Variants in KCNH4 observed in about 807,000 individuals in gnomAD.
The protein encoded by KCNH4 is voltage-gated delayed rectifier potassium channel KCNH4.
Under a neutral mutation model 90.7 loss-of-function variants are expected in KCNH4, and 33 were observed. The ratio of observed to expected loss-of-function variants is 0.36; its 90% confidence interval spans 0.28 to 0.49. The LOEUF (loss-of-function observed/expected upper bound fraction) is 0.49, where lower values mean the gene tolerates loss of function less well. KCNH4 is among the 20% of genes least tolerant of loss of function. The probability of loss-of-function intolerance (pLI) is 0.98; values close to 1 mark genes in which losing one functional copy is unlikely to be tolerated. For missense variants in KCNH4, 1,044 were observed against 1,387.1 expected, an observed-to-expected ratio of 0.75 and a Z score of 3.93; for synonymous variants, 551 against 581.7, an observed-to-expected ratio of 0.95 and a Z score of 0.76.
rs758606300 is a variant in KCNH4 at position 42,180,946 on chromosome 17, G to A, written c.-1C>T. 50 of 1,611,972 alleles carry A rather than the reference G, an allele frequency of 3.1e-5. No individual in the cohort carries two copies. The highest frequency in any genetic ancestry group is 4.1e-5 in the Non-Finnish European group (48 of 1,179,144). On this transcript the variant is annotated 5_prime_UTR_variant, in exon 1 of 17. Transcript: ENST00000264661. The surrounding 1 kb of genome is among the most constrained non-coding windows in gnomAD (Gnocchi z 4.7). ...CCAGCAACCCCTTCATGACCGGCAT[G>A]GCCCCGGGGCGTGGGTTCAAGGCGC... is the stretch of plus-strand genomic sequence containing the variant.
At chr17:42,179,814 C>G (rs758365263) in intron 1 of KCNH4, among the ~76,000 whole-genome samples, 4 of 152,238 alleles carry the variant, frequency 2.6e-5, no homozygotes, top group African/African-American at 9.6e-5. Flanking sequence ...GGGCATTGAG[C>G]GTATAGCTCC....
At chr17:42,167,414 G>T (rs1415173191) in intron 9 of KCNH4, among the ~76,000 whole-genome samples, 1 of 152,042 alleles carries the variant, frequency 6.6e-6, no homozygotes, top group Non-Finnish European at 1.5e-5. Context: ...TTACAAGCAC[G>T]CACCACTACG....
rs574588024 is a variant in KCNH4, at chr17:42,176,166, G to A, written c.717C>T (p.Tyr239=). The A allele has an allele frequency of 2.0e-5, 33 of 1,614,014 alleles. No homozygotes were observed. The highest frequency in any genetic ancestry group is 1.3e-5 in the African/African-American group (1 of 75,012). ...WDGLILLATF[Y]VAVTVPYNVC... ...CATTGTAGGGGACGGTGACCGCAAC[G>A]TAGAAGGTGGCAAGGAGGATAAGGC... Residue 239 remains tyrosine, a synonymous_variant, in exon 5 of 17, where the codon TAC becomes TAT. Transcript: ENST00000264661.
chr17:42,178,772 G>C (rs2079880734), intron 2 of KCNH4, 21 bp downstream of exon 2: 1 of 1,590,988 alleles, frequency 6.3e-7, no homozygotes. Context: ...CAGAGCTGCA[G>C]GGTGGGGTGA....
At chr17:42,179,058 G>C in intron 1 of KCNH4, 32 bp from the exon 2 acceptor site, 2 of 1,551,140 alleles carry the variant, frequency 1.3e-6, no homozygotes, top group Non-Finnish European at 1.8e-6. Flanking sequence ...GTCAGGTCAA[G>C]GCTGGGAGGC....
intron 10 of KCNH4, 78 bp downstream of exon 10, chr17:42,166,219 C>T: frequency 6.7e-7 from 1 of 1,493,976 alleles, no homozygotes; most frequent in Non-Finnish European, 9.0e-7. Context: ...CCCTAGAATC[C>T]TGGCCATTCC....
intron 2 of KCNH4, 53 bp downstream of exon 2, chr17:42,178,740 T>A: frequency 6.7e-7 from 1 of 1,491,836 alleles, no homozygotes; most frequent in South Asian, 1.2e-5. Flanking sequence ...CAGTGCCCTC[T>A]GGATAAGGCT....
intron 15 of KCNH4, among the ~76,000 whole-genome samples, chr17:42,161,348 C>T (rs1337723623): frequency 6.6e-6 from 1 of 152,216 alleles, no homozygotes; most frequent in Non-Finnish European, 1.5e-5. Context: ...CGCTCAGGCC[C>T]CAGGGCCTGA....
chr17:42,176,400 C>T lies in KCNH4; in HGVS notation c.586-103G>A. 3 of 1,096,386 alleles carry T rather than the reference C, an allele frequency of 2.7e-6. No homozygotes were observed. The Admixed American group carries it at 5.6e-5, about 21-fold the overall frequency. The allele number at this position is 1,096,386 out of a possible 1,614,324, so 67.9% of individuals were successfully genotyped here. ...GGGGAAAGTTAGCAGGTGGGCACTG[C>T]AAGGGCACTTTTGACCATGAATGAA... On this transcript the variant is annotated intron_variant, in intron 4 of 16. Transcript: ENST00000264661.
intron 5 of KCNH4, 105 bp from the exon 6 acceptor site, chr17:42,175,841 G>C: frequency 2.1e-6 from 3 of 1,413,168 alleles, no homozygotes; most frequent in Non-Finnish European, 2.0e-6. Flanking sequence ...CAGGCATGGA[G>C]AGATAGATTG....
intron 2 of KCNH4, 85 bp downstream of exon 2, chr17:42,178,708 G>T: frequency 7.9e-7 from 1 of 1,269,656 alleles, no homozygotes; most frequent in Non-Finnish European, 1.1e-6. Flanking sequence ...GTGGGGACAA[G>T]CACTCAGACT....
In KCNH4 at chr17:42,163,734, G is replaced by C; in HGVS notation, c.2349C>G (p.Ser783=). ...TGTGGCCCTGGCCAGCCAGGGCAGG[G>C]GACAGGGATGGGGATAAGGAAGGAG... is the stretch of plus-strand genomic sequence containing the variant. ...VSSPSLSPSL[S]PALAGQGHSA... is the part of the protein sequence containing the mutation. Residue 783 remains serine, a synonymous_variant, in exon 13 of 17, where the codon TCC becomes TCG. Transcript: ENST00000264661. The surrounding 1 kb of genome is among the most constrained non-coding windows in gnomAD (Gnocchi z 5.4). 2 of 1,549,538 alleles carry C rather than the reference G, an allele frequency of 1.3e-6. No homozygotes were observed. The highest frequency in any genetic ancestry group is 2.5e-5 in the South Asian group (2 of 80,522).
At chr17:42,176,481 C>G (rs953781596) in intron 4 of KCNH4, among the ~76,000 whole-genome samples, 184 bp from the exon 5 acceptor site, 1 of 147,528 alleles carries the variant, frequency 6.8e-6, no homozygotes, top group African/African-American at 2.5e-5. Context: ...ATTTTCTTCT[C>G]CTGCCAAGTA....
Position 42,164,177 on chromosome 17 carries a change from A to T in KCNH4, c.2086-9T>A, listed in dbSNP as rs1201399682. ...GAAAAGCGGCTGAGGCCCTGTGGGG[A>T]CATAGGAGAGTTCAAGCTGATTCCT... On this transcript the variant is annotated splice_polypyrimidine_tract_variant and intron_variant, in intron 11 of 16. Transcript: ENST00000264661. 1.9e-6 allele frequency: 3 copies of T among 1,546,890 alleles called. No homozygotes were observed. The Admixed American group carries it at 6.0e-5, about 31-fold the overall frequency.
intron 5 of KCNH4, 63 bp downstream of exon 5, chr17:42,175,991 G>C: frequency 6.5e-7 from 1 of 1,535,496 alleles, no homozygotes; most frequent in Non-Finnish European, 8.8e-7. Flanking sequence ...AGGAGTGGGT[G>C]AGGCTTGGCC....
At chr17:42,167,932 C>A (rs1240637463) in intron 9 of KCNH4, among the ~76,000 whole-genome samples, 1 of 152,214 alleles carries the variant, frequency 6.6e-6, no homozygotes, top group Non-Finnish European at 1.5e-5. Flanking sequence ...CCTTCCTGCC[C>A]TGCCTTCTCC....
Position 42,172,536 on chromosome 17 carries a change from AACACACACACACACACACAC to A in KCNH4, c.988-561_988-542del, listed in dbSNP as rs55671197. ...TAAGCATTGGTAATCCTTATTTAAC[AACACACACACACACACACAC>A]ACACACACACACACACACACACACA... On this transcript the variant is annotated intron_variant, in intron 6 of 16. Transcript: ENST00000264661. Among the ~76,000 whole-genome samples the A allele has an allele frequency of 1.1e-4, 15 of 136,740 alleles. No homozygotes were observed. The South Asian group carries it at 1.8e-3, about 16-fold the overall frequency. 89.7% of individuals were successfully genotyped at this position (136,740 alleles called of 152,430 possible).
rs2079876098 is a variant in KCNH4, at chr17:42,178,230, G to A, written c.458-3C>T. 2 of 1,614,112 alleles carry A rather than the reference G, an allele frequency of 1.2e-6. No individual in the cohort carries two copies. The highest frequency in any genetic ancestry group is 1.7e-5 in the Admixed American group (1 of 60,010). ...TCCCCTTCTACCAAGGGAGTTTTCT[G>A]TTGGGAAGAAAGGTGCAGAGATACG... On this transcript the variant is annotated splice_polypyrimidine_tract_variant and splice_region_variant and intron_variant, in intron 3 of 16. Transcript: ENST00000264661.
intron 10 of KCNH4, 25 bp from the exon 11 acceptor site, chr17:42,165,718 C>G: frequency 6.2e-7 from 1 of 1,612,850 alleles, no homozygotes; most frequent in Non-Finnish European, 8.5e-7. Context: ...TGGGGACAGT[C>G]AGCTGGGGCA....
Sources: gnomAD v4.1 joint callset for allele counts (sites outside exome capture counted in the v4.1 genomes callset) on GRCh38, gnomAD v4.1.1 for gene constraint, Gnocchi (gnomAD v3.1) non-coding constraint, MANE v1.5 for transcripts, NCBI Gene and HGNC (gene_info 2026-07-23, HGNC 2026-07-21) for gene names.